Variants in KDM2B observed in about 807,000 individuals in gnomAD.
The protein encoded by KDM2B is lysine-specific demethylase 2B.
In KDM2B, 26 loss-of-function variants were observed where a neutral mutation model predicts 150.0. The observed-to-expected ratio is 0.17, with a 90% CI of 0.13 to 0.24. KDM2B has a LOEUF of 0.24. Among genes scored for constraint, KDM2B ranks in the 10% least tolerant of loss-of-function variants. KDM2B has a pLI of 1.00. For synonymous variants in KDM2B, 734 were observed against 729.5 expected (o/e 1.01, Z -0.10); for missense variants, 1,265 against 1,816.9 (o/e 0.70, Z 5.52).
At chr12:121,523,358 T>A (rs543824501) in intron 8 of KDM2B, among the ~76,000 whole-genome samples, 5 of 152,278 alleles carry the variant, frequency 3.3e-5, no homozygotes, top group Admixed American at 2.0e-4. Context: ...GAGGGTTGGC[T>A]GGGGGAATGG....
intron 21 of KDM2B, 99 bp from the exon 22 acceptor site, chr12:121,440,174 A>C (rs556483167): frequency 2.5e-6 from 2 of 803,336 alleles, no homozygotes; most frequent in African/African-American, 1.7e-5. Flanking sequence ...CAGACAGAAC[A>C]CTCAGATTTC....
At chr12:121,415,338 G>A in the KDM2B span, 1 of 375,158 alleles carries the variant, frequency 2.7e-6, no homozygotes, top group South Asian at 1.9e-5. Flanking sequence ...TTAAATTTAT[G>A]GGCCTGGCAT....
chr12:121,455,866 G>A (rs1014976062), intron 12 of KDM2B, among the ~76,000 whole-genome samples: 1 of 152,182 alleles, frequency 6.6e-6, no homozygotes, highest in Non-Finnish European at 1.5e-5. Flanking sequence ...GAAGTAAAAC[G>A]AGATCAGTTT....
At chr12:121,464,210 G>A (rs184908934) in intron 12 of KDM2B, among the ~76,000 whole-genome samples, 1 of 152,228 alleles carries the variant, frequency 6.6e-6, no homozygotes, top group African/African-American at 2.4e-5. Context: ...TCCAGCCTGC[G>A]TGACAGAGCA....
Position 121,467,330 on chromosome 12 carries a change from C to G in KDM2B, c.1735-13986G>C. The G allele has an allele frequency of 2.0e-6, 2 of 981,382 alleles. No homozygotes were observed. Among genetic ancestry groups the G allele is most frequent in the Non-Finnish European group, 2.4e-6 (2 of 828,210 alleles). 60.8% of individuals were successfully genotyped at this position (981,382 alleles called of 1,614,324 possible). A position where few individuals can be genotyped will look rare whatever the true frequency, so the allele number is the denominator to read the frequency against. On this transcript the variant is annotated intron_variant, in intron 12 of 22. Transcript: ENST00000377071. The surrounding 1 kb of genome is among the most constrained non-coding windows in gnomAD (Gnocchi z 5.1). ...CGGGCTCGGGCTCGGGCTCGGGCTCCCGCTGCCGCGAGGAGGGAGCCGCGC... is the reference window on the plus strand; with the variant it reads ...CGGGCTCGGGCTCGGGCTCGGGCTCGCGCTGCCGCGAGGAGGGAGCCGCGC...
intron 12 of KDM2B, among the ~76,000 whole-genome samples, chr12:121,481,632 C>T (rs1479329956): frequency 2.0e-5 from 3 of 152,024 alleles, no homozygotes; most frequent in Admixed American, 2.0e-4. Flanking sequence ...AAAGGATAAG[C>T]CATTATTCCA....
Position 121,513,252 on chromosome 12 carries a change from G to A in KDM2B, c.1174+24C>T, listed in dbSNP as rs781883231. 3 of 1,607,708 alleles carry A rather than the reference G, an allele frequency of 1.9e-6. No homozygotes were observed. Among genetic ancestry groups the A allele is most frequent in the South Asian group, 1.1e-5 (1 of 90,968 alleles). On this transcript the variant is annotated intron_variant, in intron 10 of 22. Coordinates refer to ENST00000377071, the MANE Select transcript of KDM2B (RefSeq NM_032590.5). This position sits in a 1 kb window ranked among gnomAD's most constrained non-coding sequence, Gnocchi z 5.0. ...CTGCCCCAGCTGTGCAGCCGAGGCC[G>A]TGGGCTCCCTCCGGTTCACTCACCA...
intron 13 of KDM2B, among the ~76,000 whole-genome samples, chr12:121,450,859 A>T (rs74939557): frequency 0.04 from 3,027 of 76,280 alleles, 110 homozygotes; most frequent in African/African-American, 0.18. Context: ...AGACTCCATC[A>T]AAAAAAAAAA....
At chr12:121,438,600 T>C (rs1593726990) in intron 22 of KDM2B, among the ~76,000 whole-genome samples, 1 of 152,044 alleles carries the variant, frequency 6.6e-6, no homozygotes. Flanking sequence ...GGTGGAACAA[T>C]CCCTGCCACC....
chr12:121,580,990 C>A lies in KDM2B; in HGVS notation c.-79G>T. ...ATAAGGACTGCCTAACTTTTAAACTCCCGGCACTCAAAGATGTGGACACAC... is the reference window on the plus strand; with the variant it reads ...ATAAGGACTGCCTAACTTTTAAACTACCGGCACTCAAAGATGTGGACACAC... On this transcript the variant is annotated 5_prime_UTR_variant, in exon 1 of 23. Transcript: ENST00000377071. 1 of 1,547,136 alleles carries A rather than the reference C, an allele frequency of 6.5e-7. No homozygotes were observed. The highest frequency in any genetic ancestry group is 8.7e-7 in the Non-Finnish European group (1 of 1,148,686).
intron 11 of KDM2B, among the ~76,000 whole-genome samples, chr12:121,500,448 C>A (rs782135799): frequency 6.6e-6 from 1 of 152,352 alleles, no homozygotes; most frequent in South Asian, 2.1e-4. Flanking sequence ...TGGGCCTGGG[C>A]GGCCCTTTAT....
In KDM2B at chr12:121,430,547, G is replaced by T; in HGVS notation, c.3830-78C>A. The T allele has an allele frequency of 1.0e-6, 1 of 962,402 alleles. No individual in the cohort carries two copies. The highest frequency in any genetic ancestry group is 1.7e-6 in the Non-Finnish European group (1 of 592,590). The allele number at this position is 962,402 out of a possible 1,614,324, so 59.6% of individuals were successfully genotyped here. A position where few individuals can be genotyped will look rare whatever the true frequency, so the allele number is the denominator to read the frequency against. On this transcript the variant is annotated intron_variant, in intron 22 of 22. Coordinates refer to ENST00000377071, the MANE Select transcript of KDM2B (RefSeq NM_032590.5). The surrounding 1 kb of genome is among the most constrained non-coding windows in gnomAD (Gnocchi z 4.4). ...CCCCGCCGCCAGACCCAGGCACTCA[G>T]CAGTGGGGACAGGTCAGAGCTCTAC... is the stretch of plus-strand genomic sequence containing the variant.
At chr12:121,457,354 C>T (rs150176197) in intron 12 of KDM2B, among the ~76,000 whole-genome samples, 41 of 152,104 alleles carry the variant, frequency 2.7e-4, no homozygotes, top group Admixed American at 7.2e-4. Context: ...CTCTGGCTCC[C>T]GGGTTCAAGC....
rs782033254 is a variant in KDM2B, at chr12:121,549,563, C to T, written c.473G>A (p.Arg158His). 8.7e-6 allele frequency: 14 copies of T among 1,613,400 alleles called. No individual in the cohort carries two copies. Among genetic ancestry groups the T allele is most frequent in the East Asian group, 4.5e-5 (2 of 44,866 alleles). ...CTGGGCCTCGGGCGTCTCGTAGTAA[C>T]GCACAAACTGGGACATGCTCATCTC... Reference protein sequence around the residue: ...GTEMSMSQFVRYYETPEAQRD... With the variant: ...GTEMSMSQFVHYYETPEAQRD... Residue 158 changes from arginine (R) to histidine (H), a missense_variant, in exon 5 of 23, where the codon CGT (arginine) becomes CAT (histidine). By Grantham distance (29) the Arg-to-His change is conservative (BLOSUM62 0). Around this residue, in one of 11 missense-constraint regions of KDM2B, gnomAD observed 214 missense variants for 447.4 expected, o/e 0.48. Coordinates refer to ENST00000377071, the MANE Select transcript of KDM2B (RefSeq NM_032590.5). This position sits in a 1 kb window ranked among gnomAD's most constrained non-coding sequence, Gnocchi z 4.4.
In KDM2B at chr12:121,575,932, G is replaced by C. The variant is rs1488697069; in HGVS notation, c.272-73C>G. Reference sequence around the variant, plus strand: ...CAAATGAACCGGGATCTGTTGGTTAGGGGAAGAAAACTGATGGACGAAGGG... The same window carrying C: ...CAAATGAACCGGGATCTGTTGGTTACGGGAAGAAAACTGATGGACGAAGGG... On this transcript the variant is annotated intron_variant, in intron 2 of 22. Coordinates refer to ENST00000377071, the MANE Select transcript of KDM2B (RefSeq NM_032590.5). This position sits in a 1 kb window ranked among gnomAD's most constrained non-coding sequence, Gnocchi z 4.4. 1.7e-5 allele frequency: 20 copies of C among 1,186,822 alleles called. No individual in the cohort carries two copies. The Admixed American group carries it at 3.2e-4, about 19-fold the overall frequency. The allele number at this position is 1,186,822 out of a possible 1,614,324, so 73.5% of individuals were successfully genotyped here. A position where few individuals can be genotyped will look rare whatever the true frequency, so the allele number is the denominator to read the frequency against.
chr12:121,470,384 C>G (rs1360570314), intron 12 of KDM2B: 3 of 152,192 alleles, frequency 2.0e-5, no homozygotes, highest in East Asian at 1.9e-4. Flanking sequence ...CTCTCCTGAC[C>G]CCTTCACTTC....
At chr12:121,578,670 G>C in intron 2 of KDM2B, 132 bp downstream of exon 2, 1 of 255,884 alleles carries the variant, frequency 3.9e-6, no homozygotes, top group South Asian at 5.7e-5. Context: ...CCAGTGCTCG[G>C]CCTCGTTTCG....
chr12:121,539,139 T>A (rs1166949278), intron 6 of KDM2B, among the ~76,000 whole-genome samples: 3 of 151,574 alleles, frequency 2.0e-5, no homozygotes, highest in Non-Finnish European at 4.4e-5. Flanking sequence ...CCAGTGCTAA[T>A]AATAATAATA....
At chr12:121,477,805 T>C (rs1448279801) in intron 12 of KDM2B, among the ~76,000 whole-genome samples, 1 of 152,156 alleles carries the variant, frequency 6.6e-6, no homozygotes, top group Non-Finnish European at 1.5e-5. Flanking sequence ...CTCAAACTCT[T>C]GACCTCGGGT....
Sources: allele counts gnomAD v4.1 joint callset (sites outside exome capture counted in the v4.1 genomes callset), GRCh38; gene constraint gnomAD v4.1.1; regional missense constraint gnomAD v4.1.1; non-coding constraint Gnocchi (gnomAD v3.1); transcripts MANE v1.5; gene names NCBI Gene and HGNC (gene_info 2026-07-23, HGNC 2026-07-21).